The following MEAK7 variants were observed in gnomAD, a reference collection of about 807,000 sequenced individuals.
MEAK7 encodes the protein MTOR associated protein MEAK7.
A neutral mutation model predicts 40.5 loss-of-function variants in MEAK7; 68 were observed. That is an observed-to-expected ratio of 1.68 (90% CI 1.38 to 2.06). The LOEUF (loss-of-function observed/expected upper bound fraction) is 2.06. MEAK7 is among the 30% of genes most tolerant of loss of function. MEAK7 has a pLI of 0.00. For synonymous variants in MEAK7, 338 were observed against 231.9 expected (o/e 1.46, Z -4.16); for missense variants, 918 against 580.5 (o/e 1.58, Z -5.98).
In MEAK7 at chr16:84,478,907, A is replaced by G. The variant is rs776648522; in HGVS notation, c.*1006T>C. ...CTAGAACCCAGGCCAGTCACTCACCACTGATTTATGGAATGGACCATATAC... is the reference window on the plus strand; with the variant it reads ...CTAGAACCCAGGCCAGTCACTCACCGCTGATTTATGGAATGGACCATATAC... On this transcript the variant is annotated 3_prime_UTR_variant, in exon 8 of 8. Coordinates refer to ENST00000343629, the MANE Select transcript of MEAK7 (RefSeq NM_020947.4). 6.6e-6 allele frequency: 1 copy of G among 152,178 alleles called. No individual in the cohort carries two copies. Among genetic ancestry groups the G allele is most frequent in the Non-Finnish European group, 1.5e-5 (1 of 68,056 alleles). 9.4% of individuals were successfully genotyped at this position (152,178 alleles called of 1,614,324 possible). A position where few individuals can be genotyped will look rare whatever the true frequency, so the allele number is the denominator to read the frequency against.
At chr16:84,490,511 A>C (rs1702109615) in intron 3 of MEAK7, among the ~76,000 whole-genome samples, 1 of 133,980 alleles carries the variant, frequency 7.5e-6, no homozygotes, top group African/African-American at 2.9e-5. Context: ...TTCCTACATC[A>C]AAATCCTTTC....
In MEAK7 at chr16:84,486,348, C is replaced by T. The variant is rs566658935; in HGVS notation, c.958+283G>A. Reference sequence around the variant, plus strand: ...TACCATCTCCTGGTCCCCTCGGAGGCATCTGTGGCTTGACTTCTCCCACGC... The same window carrying T: ...TACCATCTCCTGGTCCCCTCGGAGGTATCTGTGGCTTGACTTCTCCCACGC... On this transcript the variant is annotated intron_variant, in intron 5 of 7. Coordinates refer to ENST00000343629, the MANE Select transcript of MEAK7 (RefSeq NM_020947.4). 1.7e-5 allele frequency: 14 copies of T among 842,156 alleles called. No individual in the cohort carries two copies. The African/African-American group carries it at 2.4e-4, about 15-fold the overall frequency. 52.2% of individuals were successfully genotyped at this position (842,156 alleles called of 1,614,324 possible).
At chr16:84,500,863 C>T (rs1035535272) in intron 1 of MEAK7, among the ~76,000 whole-genome samples, 1 of 152,152 alleles carries the variant, frequency 6.6e-6, no homozygotes, top group Middle Eastern at 3.4e-3. Flanking sequence ...GCAAGGTGGG[C>T]CACACCATCT....
In MEAK7 at chr16:84,489,325, C is replaced by T. The variant is rs148973129; in HGVS notation, c.482G>A (p.Arg161Gln). Residue 161 changes from arginine to glutamine, a missense_variant, in exon 4 of 8, where the codon CGG becomes CAG. Transcript: ENST00000343629. Reference protein sequence around the residue: ...TGKEAPGPNPRVQVLAAQLLS... With the variant: ...TGKEAPGPNPQVQVLAAQLLS... ...CAGCTGAGCAGCCAGCACCTGCACC[C>T]GGGGGTTGGGCCCTGGGGCTTCCTT... 1.5e-5 allele frequency: 25 copies of T among 1,614,018 alleles called. No individual in the cohort carries two copies. The highest frequency in any genetic ancestry group is 1.2e-4 in the South Asian group (11 of 91,072).
rs375140165 is a variant in MEAK7 at position 84,486,625 on chromosome 16, T to A, written c.958+6A>T. The A allele has an allele frequency of 5.9e-5, 95 of 1,596,774 alleles. 3 individuals are homozygous for A. The South Asian group carries it at 8.6e-4, about 15-fold the overall frequency. On this transcript the variant is annotated splice_donor_region_variant and intron_variant, in intron 5 of 7. Coordinates refer to ENST00000343629, the MANE Select transcript of MEAK7 (RefSeq NM_020947.4). ...ACTCGTCAAGGTTCAGGACACCAAGTCTTACCTTGAAACTGAGGCTTCACC... is the reference window on the plus strand; with the variant it reads ...ACTCGTCAAGGTTCAGGACACCAAGACTTACCTTGAAACTGAGGCTTCACC...
chr16:84,491,524 G>A (rs567887207), intron 3 of MEAK7, among the ~76,000 whole-genome samples: 1 of 123,004 alleles, frequency 8.1e-6, no homozygotes, highest in East Asian at 2.6e-4. Context: ...GGGCAACGGA[G>A]CGAGACCCTG....
At chr16:84,496,592 A>T (rs1435206825) in intron 2 of MEAK7, among the ~76,000 whole-genome samples, 1 of 152,202 alleles carries the variant, frequency 6.6e-6, no homozygotes, top group African/African-American at 2.4e-5. Context: ...CCGTATCAGT[A>T]GTATCACAGG....
chr16:84,501,107 A>G (rs1184222348), intron 1 of MEAK7, among the ~76,000 whole-genome samples: 1 of 52,190 alleles, frequency 1.9e-5, no homozygotes, highest in Non-Finnish European at 3.9e-5. Context: ...AAAAAAAAGA[A>G]AAAAAAAAAA....
At chr16:84,504,081 G>C (rs1914704848) in intron 1 of MEAK7, 2 of 985,574 alleles carry the variant, frequency 2.0e-6, no homozygotes, top group African/African-American at 3.5e-5. Context: ...AGTTCCTGTG[G>C]GCCAGAAGGT....
chr16:84,497,843 A>T, intron 2 of MEAK7, 91 bp downstream of exon 2: 1 of 1,567,530 alleles, frequency 6.4e-7, no homozygotes, highest in Non-Finnish European at 8.8e-7. Context: ...CCATCCCATT[A>T]CAAAAACACG....
At position 84,486,896 on chromosome 16, in the gene MEAK7, G is replaced by T. The variant is rs1398010168; in HGVS notation, c.693C>A (p.Val231=). Residue 231 remains valine (V), a synonymous_variant, in exon 5 of 8, where the codon GTC becomes GTA. Coordinates refer to ENST00000343629, the MANE Select transcript of MEAK7 (RefSeq NM_020947.4). Reference sequence around the variant, plus strand: ...TGCCCTGGTCCACTTGACGCTCAGGGACCAGGGTAGTCAGATCAAGAGACG... The same window carrying T: ...TGCCCTGGTCCACTTGACGCTCAGGTACCAGGGTAGTCAGATCAAGAGACG... ...LCSSLDLTTL[V]PERQVDQGRG... is the part of the protein sequence containing the mutation. 2 of 1,614,070 alleles carry T rather than the reference G, an allele frequency of 1.2e-6. No homozygotes were observed. The highest frequency in any genetic ancestry group is 1.7e-6 in the Non-Finnish European group (2 of 1,180,052).
At chr16:84,493,108 T>C (rs2150639702) in intron 3 of MEAK7, among the ~76,000 whole-genome samples, 1 of 152,338 alleles carries the variant, frequency 6.6e-6, no homozygotes, top group African/African-American at 2.4e-5. Context: ...TATTAGTATG[T>C]GTTCCAAAAT....
chr16:84,484,130 G>C (rs754273709), intron 5 of MEAK7, among the ~76,000 whole-genome samples: 4 of 152,332 alleles, frequency 2.6e-5, no homozygotes, highest in Non-Finnish European at 2.9e-5. Context: ...CAAGGTCGCA[G>C]GGCCACAGAG....
At chr16:84,499,404 T>G (rs1178170369) in intron 1 of MEAK7, among the ~76,000 whole-genome samples, 2 of 152,102 alleles carry the variant, frequency 1.3e-5, no homozygotes, top group Admixed American at 6.5e-5. Flanking sequence ...CCCCAAGGTA[T>G]TTAGCCAAGG....
At chr16:84,489,185 G>T in intron 4 of MEAK7, 93 bp downstream of exon 4, 1 of 1,449,478 alleles carries the variant, frequency 6.9e-7, no homozygotes, top group Non-Finnish European at 9.1e-7. Flanking sequence ...ACGCATTCTG[G>T]TTTCAAAGCT....
At chr16:84,495,373 ATTT>A (rs1378491767) in intron 3 of MEAK7, among the ~76,000 whole-genome samples, 6 of 152,182 alleles carry the variant, frequency 3.9e-5, no homozygotes, top group Non-Finnish European at 7.3e-5. Flanking sequence ...CACATTGACT[ATTT>A]CCCTACCTGC....
intron 2 of MEAK7, 26 bp downstream of exon 2, chr16:84,497,908 C>G (rs1344385652): frequency 6.2e-7 from 1 of 1,613,986 alleles, no homozygotes; most frequent in Non-Finnish European, 8.5e-7. Context: ...CCCAACTAAA[C>G]ATGAACCACG....
At position 84,487,070 on chromosome 16, in the gene MEAK7, G is replaced by A. The variant is rs370854522; in HGVS notation, c.530-11C>T. ...GAAGTCTCTTGCCATCTAGGGGAAG[G>A]GGATGGTCAGCATTAGTGGGGCTGT... is the stretch of plus-strand genomic sequence containing the variant. On this transcript the variant is annotated splice_polypyrimidine_tract_variant and intron_variant, in intron 4 of 7. Coordinates refer to ENST00000343629, the MANE Select transcript of MEAK7 (RefSeq NM_020947.4). 1.2e-5 allele frequency: 19 copies of A among 1,603,644 alleles called. No individual in the cohort carries two copies. Among genetic ancestry groups the A allele is most frequent in the South Asian group, 2.3e-5 (2 of 88,792 alleles).
At chr16:84,485,379 C>A (rs978981319) in intron 5 of MEAK7, among the ~76,000 whole-genome samples, 2 of 152,212 alleles carry the variant, frequency 1.3e-5, no homozygotes, top group African/African-American at 2.4e-5. Context: ...AACCTGGTGA[C>A]CCCTGCTACC....
Sources: allele counts gnomAD v4.1 joint callset (sites outside exome capture counted in the v4.1 genomes callset), GRCh38; gene constraint gnomAD v4.1.1; transcripts MANE v1.5; gene names NCBI Gene and HGNC (gene_info 2026-07-23, HGNC 2026-07-21).